The following PFKP variants were observed in gnomAD, a reference collection of about 807,000 sequenced individuals.
The protein encoded by PFKP is ATP-dependent 6-phosphofructokinase, platelet type.
Under a neutral mutation model 94.3 loss-of-function variants are expected in PFKP, and 101 were observed. The ratio of observed to expected loss-of-function variants is 1.07; its 90% CI spans 0.91 to 1.26. The LOEUF is 1.26. Ranked by LOEUF, PFKP falls within the 50% of genes most tolerant of loss-of-function variation. The probability of loss-of-function intolerance (pLI) is 0.00; values close to 1 mark genes in which losing one functional copy is unlikely to be tolerated. For missense variants in PFKP, 1,145 were observed against 1,103.3 expected, an observed-to-expected ratio of 1.04 and a Z score of -0.53; for synonymous variants, 573 against 432.6, an observed-to-expected ratio of 1.32 and a Z score of -4.03.
chr10:3,080,643 C>A (rs1366901909), intron 1 of PFKP, among the ~76,000 whole-genome samples: 14 of 152,148 alleles, frequency 9.2e-5, no homozygotes, highest in African/African-American at 2.7e-4. Context: ...AAGGCACCGT[C>A]CCCATACCCA....
chr10:3,108,909 C>T lies in PFKP; in HGVS notation c.963+116C>T, dbSNP rs113918355. 2,017 of 756,682 alleles carry T rather than the reference C, an allele frequency of 2.7e-3. 36 individuals are homozygous for T. The African/African-American group carries it at 0.031, about 12-fold the overall frequency. 46.9% of individuals were successfully genotyped at this position (756,682 alleles called of 1,614,324 possible). On this transcript the variant is annotated intron_variant, in intron 9 of 21. Transcript: ENST00000381125. ...CAAGGTGCTCCCCGAGAGATGCCCG[C>T]GGCCCGGCCCTCATCTTAACGATCC...
At chr10:3,088,675 G>A (rs1833817468) in intron 2 of PFKP, among the ~76,000 whole-genome samples, 1 of 152,098 alleles carries the variant, frequency 6.6e-6, no homozygotes, top group Admixed American at 6.5e-5. Flanking sequence ...CATAATAGTT[G>A]TACCTATTTA....
At chr10:3,108,067 T>C (rs1031735126) in intron 8 of PFKP, 4 of 1,213,196 alleles carry the variant, frequency 3.3e-6, no homozygotes, top group Middle Eastern at 2.2e-4. Context: ...GGGAAAGACA[T>C]CTGCCAATAT....
chr10:3,104,935 G>A (rs149012340), intron 5 of PFKP, 180 bp from the exon 6 acceptor site: 49 of 681,816 alleles, frequency 7.2e-5, no homozygotes, highest in Admixed American at 2.9e-4. Context: ...ACTGCATAGC[G>A]TTTGCCTTAG....
intron 1 of PFKP, among the ~76,000 whole-genome samples, chr10:3,078,895 C>T (rs1049627364): frequency 2.0e-5 from 3 of 152,172 alleles, no homozygotes; most frequent in Non-Finnish European, 2.9e-5. Flanking sequence ...TGCATGGCTC[C>T]ATCCTACCAA....
Position 3,109,412 on chromosome 10 carries a change from C to G in PFKP, c.1021C>G (p.Pro341Ala). 2 of 1,610,316 alleles carry G rather than the reference C, an allele frequency of 1.2e-6. No individual in the cohort carries two copies. The highest frequency in any genetic ancestry group is 8.5e-7 in the Non-Finnish European group (1 of 1,179,980). ...CTTGCTAGAGGCCACCCCGGACACC[C>G]CAGCTTGCGTCGTGTCACTGAACGG... is the stretch of plus-strand genomic sequence containing the variant. ...IALLEATPDT[P>A]ACVVSLNGNH... Residue 341 changes from proline to alanine, a missense_variant, in exon 10 of 22, where the codon CCA becomes GCA. By Grantham distance (27) the Pro-to-Ala change is conservative. Around this residue, in one of 3 missense-constraint regions of PFKP, gnomAD observed 1,119 missense variants for 1,062.8 expected, o/e 1.05. Transcript: ENST00000381125.
At chr10:3,132,811 G>A (rs1373934451) in intron 18 of PFKP, among the ~76,000 whole-genome samples, 1 of 152,152 alleles carries the variant, frequency 6.6e-6, no homozygotes, top group Non-Finnish European at 1.5e-5. Context: ...ACACGAGGTT[G>A]CTTCCATCTG....
rs987626339 is a variant in PFKP, at chr10:3,099,222, C to T, written c.187-53C>T. 3 of 1,347,012 alleles carry T rather than the reference C, an allele frequency of 2.2e-6. No individual in the cohort carries two copies. In the African/African-American group the frequency reaches 4.3e-5, roughly 19 times the overall value. The allele number at this position is 1,347,012 out of a possible 1,614,324, so 83.4% of individuals were successfully genotyped here. On this transcript the variant is annotated intron_variant, in intron 2 of 21. Coordinates refer to ENST00000381125, the MANE Select transcript of PFKP (RefSeq NM_002627.5). ...GTTTTATATAATTTAAGGATCACTT[C>T]CCATTTAGTGAAGTTTATCTCATTT...
Position 3,090,276 on chromosome 10 carries a change from G to A in PFKP, c.186+7815G>A, listed in dbSNP as rs185387574. Among the ~76,000 whole-genome samples the A allele has an allele frequency of 4.6e-5, 7 of 152,318 alleles. No individual in the cohort carries two copies. The South Asian group carries it at 8.3e-4, about 18-fold the overall frequency. ...AGACCTGGGTTTTGGGTGAGCCATC[G>A]TGGGCCTGCAGGACGTACTGCAGTG... On this transcript the variant is annotated intron_variant, in intron 2 of 21. Coordinates refer to ENST00000381125, the MANE Select transcript of PFKP (RefSeq NM_002627.5).
rs988427316 is a variant in PFKP, at chr10:3,135,965, T to TAA, written c.2225+133_2225+134dup. 5 of 653,574 alleles carry TAA rather than the reference T, an allele frequency of 7.7e-6. No homozygotes were observed. In the African/African-American group the frequency reaches 9.3e-5, roughly 12 times the overall value. 40.5% of individuals were successfully genotyped at this position (653,574 alleles called of 1,614,324 possible). ...GGAACTGGCTTTTCTGAAGCTCAGT[T>TAA]AAAAAAATACTAGGTCTTGGCTGGG... is the stretch of plus-strand genomic sequence containing the variant. On this transcript the variant is annotated intron_variant, in intron 21 of 21. Coordinates refer to ENST00000381125, the MANE Select transcript of PFKP (RefSeq NM_002627.5).
At position 3,110,404 on chromosome 10, in the gene PFKP, G is replaced by A. The variant is rs538359866; in HGVS notation, c.1089+924G>A. Among the ~76,000 whole-genome samples, 4 of 134,724 alleles carry A rather than the reference G, an allele frequency of 3.0e-5. No homozygotes were observed. In the East Asian group the frequency reaches 8.8e-4, roughly 30 times the overall value. 88.4% of individuals were successfully genotyped at this position (134,724 alleles called of 152,430 possible). The stretch of plus-strand genomic sequence containing the variant: ...TTTTTTTTTTTGTATTTTTAGTAGA[G>A]GTGGGGTTTCACCGTGTTAGCCAGG... On this transcript the variant is annotated intron_variant, in intron 10 of 21. Coordinates refer to ENST00000381125, the MANE Select transcript of PFKP (RefSeq NM_002627.5).
chr10:3,082,530 T>A (rs1198582561), intron 2 of PFKP, 69 bp downstream of exon 2: 1 of 1,143,142 alleles, frequency 8.7e-7, no homozygotes, highest in Non-Finnish European at 1.3e-6. Context: ...TCACCGGCGC[T>A]CGCTCACCCC....
intron 15 of PFKP, among the ~76,000 whole-genome samples, chr10:3,119,683 C>T (rs1043108423): frequency 6.6e-6 from 1 of 152,216 alleles, no homozygotes; most frequent in Non-Finnish European, 1.5e-5. Flanking sequence ...TCTAACCGAT[C>T]ATGTCTGTCC....
At chr10:3,112,898 C>T (rs897357644) in intron 11 of PFKP, among the ~76,000 whole-genome samples, 5 of 152,226 alleles carry the variant, frequency 3.3e-5, no homozygotes, top group East Asian at 1.9e-4. Flanking sequence ...AGTGTAGAAG[C>T]GTGCCCTTTT....
intron 21 of PFKP, among the ~76,000 whole-genome samples, chr10:3,136,155 T>G (rs769852321): frequency 2.6e-4 from 40 of 152,120 alleles, no homozygotes; most frequent in Non-Finnish European, 4.7e-4. Flanking sequence ...TCCCAGCTAC[T>G]CAGGAGGCTG....
chr10:3,091,285 A>T (rs1311439908), intron 2 of PFKP, among the ~76,000 whole-genome samples: 1 of 152,098 alleles, frequency 6.6e-6, no homozygotes, highest in Non-Finnish European at 1.5e-5. Flanking sequence ...GATGATACTA[A>T]GTATATCAGA....
chr10:3,113,103 C>T lies in PFKP; in HGVS notation c.1155-16C>T. On this transcript the variant is annotated splice_polypyrimidine_tract_variant and intron_variant, in intron 11 of 21. Transcript: ENST00000381125. ...GGTATTCTCGACTCCGGTCCAACGA[C>T]ACCCTTTTCCTTTAGGAGCTTTGCG... 1 of 1,610,708 alleles carries T rather than the reference C, an allele frequency of 6.2e-7. No homozygotes were observed. The highest frequency in any genetic ancestry group is 1.7e-5 in the Admixed American group (1 of 59,788).
At chr10:3,128,173 G>A (rs1460868410) in intron 16 of PFKP, among the ~76,000 whole-genome samples, 2 of 152,122 alleles carry the variant, frequency 1.3e-5, no homozygotes, top group South Asian at 2.1e-4. Flanking sequence ...GCCTGCTGTG[G>A]GGGCTCGGCC....
chr10:3,095,781 T>G (rs1476333501), intron 2 of PFKP, among the ~76,000 whole-genome samples: 1 of 152,218 alleles, frequency 6.6e-6, no homozygotes, highest in Non-Finnish European at 1.5e-5. Context: ...TTTAGTAATA[T>G]CTTCCTTGTT....
Sources: gnomAD v4.1 joint callset for allele counts (sites outside exome capture counted in the v4.1 genomes callset) on GRCh38, gnomAD v4.1.1 for gene constraint, gnomAD v4.1.1 regional missense constraint, MANE v1.5 for transcripts, NCBI Gene and HGNC (gene_info 2026-07-23, HGNC 2026-07-21) for gene names.